DNAI7: variants seen among roughly 807,000 people sequenced by gnomAD.
DNAI7 encodes the protein dynein axonemal intermediate chain 7.
A neutral mutation model predicts 86.6 loss-of-function variants in DNAI7; 78 were observed. That is an observed-to-expected ratio of 0.90 (90% CI 0.75 to 1.09). The LOEUF is 1.09. Among genes scored for constraint, DNAI7 ranks in the 50% least tolerant of loss-of-function variants. The pLI is 0.00. For missense variants in DNAI7, 753 were observed against 810.2 expected (o/e 0.93, Z 0.86); for synonymous variants, 274 against 273.0 (o/e 1.00, Z -0.04).
At chr12:25,108,213 C>A, downstream of DNAI7, 1 of 800,018 alleles carries the variant, frequency 1.2e-6, no homozygotes, top group South Asian at 2.0e-5. Flanking sequence ...TTGCCTTTAT[C>A]TCCCCAACTA....
intron 2 of DNAI7, among the ~76,000 whole-genome samples, chr12:25,190,392 T>G (rs1358678343): frequency 3.3e-5 from 5 of 152,216 alleles, no homozygotes; most frequent in African/African-American, 1.2e-4. Context: ...AAGCTATTTT[T>G]AAGAGTATTT....
At chr12:25,143,405 C>A (rs1003342656) in intron 9 of DNAI7, among the ~76,000 whole-genome samples, 2 of 152,072 alleles carry the variant, frequency 1.3e-5, no homozygotes, top group East Asian at 1.9e-4. Context: ...TACACCACCA[C>A]GCCCGGCTAA....
At chr12:25,190,983 G>C (rs1030245388) in intron 1 of DNAI7, among the ~76,000 whole-genome samples, 1 of 152,126 alleles carries the variant, frequency 6.6e-6, no homozygotes. Context: ...CTAGTTTAAA[G>C]GGTTCAAAGG....
At chr12:25,118,039 T>C (rs1592213875) in intron 12 of DNAI7, among the ~76,000 whole-genome samples, 1 of 149,046 alleles carries the variant, frequency 6.7e-6, no homozygotes, top group East Asian at 2.0e-4. Context: ...GTTCAAGCAA[T>C]TCTCCTGCCT....
intron 9 of DNAI7, among the ~76,000 whole-genome samples, chr12:25,133,745 G>A (rs1440885135): frequency 6.6e-6 from 1 of 152,174 alleles, no homozygotes; most frequent in East Asian, 1.9e-4. Flanking sequence ...GTGGTGGTGA[G>A]ATATGTTCCT....
chr12:25,119,163 C>T lies in DNAI7; in HGVS notation c.1378G>A (p.Val460Ile). ...GCTGTACCTTCAGCATCCCACCTTA[C>T]AACCACAGGATCCTCAAAAAAGATT... is the stretch of plus-strand genomic sequence containing the variant. ...NVIFFEDPVV[V>I]RWDAEGKHWR... is the part of the protein sequence containing the mutation. The change falls in exon 12 of 16, where the codon GTA becomes ATA. Residue 460 changes from valine (V) to isoleucine (I), a missense_variant. Coordinates refer to ENST00000395987, the MANE Select transcript of DNAI7 (RefSeq NM_018272.5). 6.2e-7 allele frequency: 1 copy of T among 1,604,930 alleles called. No individual in the cohort carries two copies. The highest frequency in any genetic ancestry group is 8.5e-7 in the Non-Finnish European group (1 of 1,177,584).
chr12:25,136,005 G>T (rs1016223851), intron 9 of DNAI7, among the ~76,000 whole-genome samples: 4 of 152,098 alleles, frequency 2.6e-5, no homozygotes, highest in Admixed American at 6.5e-5. Flanking sequence ...ACTTATCCAG[G>T]TTACCTTAGG....
chr12:25,143,487 G>A (rs983587159), intron 9 of DNAI7, among the ~76,000 whole-genome samples: 1 of 151,308 alleles, frequency 6.6e-6, no homozygotes, highest in Non-Finnish European at 1.5e-5. Flanking sequence ...TGACCTCAAA[G>A]TGCTGGGATT....
At position 25,121,931 on chromosome 12, in the gene DNAI7, AAC is replaced by A. The variant is rs1941362962; in HGVS notation, c.1079-20_1079-19del. Reference sequence around the variant, plus strand: ...CAACTGTGCTAAAATTAATCAGATTAACAGTTTTCAAATAGATTACAGTTTAG... The same window carrying A: ...CAACTGTGCTAAAATTAATCAGATTAAGTTTTCAAATAGATTACAGTTTAG... On this transcript the variant is annotated intron_variant, in intron 10 of 15. Transcript: ENST00000395987. 1 of 1,524,212 alleles carries A rather than the reference AAC, an allele frequency of 6.6e-7. No individual in the cohort carries two copies. The highest frequency in any genetic ancestry group is 8.8e-7 in the Non-Finnish European group (1 of 1,134,052). The allele number at this position is 1,524,212 out of a possible 1,614,324, so 94.4% of individuals were successfully genotyped here.
chr12:25,154,416 G>A lies in DNAI7; in HGVS notation c.341C>T (p.Ser114Leu). 1.2e-6 allele frequency: 2 copies of A among 1,611,024 alleles called. No homozygotes were observed. The highest frequency in any genetic ancestry group is 1.7e-6 in the Non-Finnish European group (2 of 1,179,184). The change falls in exon 6 of 16, where the codon TCA becomes TTA. Residue 114 changes from serine (S) to leucine (L), a missense_variant. Ser to Leu is a moderately radical substitution (Grantham distance 145). Coordinates refer to ENST00000395987, the MANE Select transcript of DNAI7 (RefSeq NM_018272.5). ...AAACGTGTTCATTTCTTGGGCTACT[G>A]AAGGATCAGGACTCCCATCACATTG... ...YIQCDGSPDP[S>L]VAQEMNTFIS... is the part of the protein sequence containing the mutation.
chr12:25,170,095 A>C (rs1291982831), intron 2 of DNAI7, among the ~76,000 whole-genome samples: 1 of 152,108 alleles, frequency 6.6e-6, no homozygotes, highest in African/African-American at 2.4e-5. Context: ...TATAATGGTT[A>C]AAGGCCTTGT....
At chr12:25,144,872 T>C (rs1256259208) in intron 8 of DNAI7, among the ~76,000 whole-genome samples, 195 bp from the exon 9 acceptor site, 2 of 152,150 alleles carry the variant, frequency 1.3e-5, no homozygotes, top group Non-Finnish European at 2.9e-5. Flanking sequence ...TTGGGATCCA[T>C]AACCCCACAG....
intron 13 of DNAI7, among the ~76,000 whole-genome samples, chr12:25,114,073 G>A (rs924965228): frequency 3.3e-5 from 5 of 151,026 alleles, no homozygotes; most frequent in African/African-American, 1.2e-4. Context: ...AGCCTCCTGA[G>A]TAGCTGGGAT....
At chr12:25,150,402 A>T (rs900273624) in intron 6 of DNAI7, among the ~76,000 whole-genome samples, 1 of 152,044 alleles carries the variant, frequency 6.6e-6, no homozygotes, top group African/African-American at 2.4e-5. Context: ...CAGGAGATCA[A>T]GACTATCCTG....
intron 9 of DNAI7, among the ~76,000 whole-genome samples, chr12:25,127,033 C>A (rs1186052715): frequency 1.3e-5 from 2 of 152,156 alleles, no homozygotes; most frequent in African/African-American, 4.8e-5. Context: ...GATATTCTTG[C>A]ATATAACACA....
chr12:25,187,717 T>C (rs1287286830), intron 2 of DNAI7, among the ~76,000 whole-genome samples: 2 of 152,162 alleles, frequency 1.3e-5, no homozygotes, highest in South Asian at 2.1e-4. Context: ...GTAATTTCAA[T>C]ACGCCAAAAC....
At chr12:25,158,163 A>G (rs894100192) in intron 4 of DNAI7, among the ~76,000 whole-genome samples, 1 of 151,992 alleles carries the variant, frequency 6.6e-6, no homozygotes, top group African/African-American at 2.4e-5. Flanking sequence ...CAGGAGGCGG[A>G]GCTTGCAGTG....
chr12:25,119,350 G>A, intron 11 of DNAI7, 49 bp from the exon 12 acceptor site: 1 of 1,285,648 alleles, frequency 7.8e-7, no homozygotes, highest in South Asian at 1.3e-5. Context: ...TGGTAGCAGT[G>A]AAAAATGTAA....
chr12:25,174,738 A>AAT (rs1373174166), intron 2 of DNAI7, among the ~76,000 whole-genome samples: 6 of 142,296 alleles, frequency 4.2e-5, no homozygotes, highest in Non-Finnish European at 6.1e-5. Context: ...ATATATATGG[A>AAT]ATATATATAT....
Sources: gnomAD v4.1 joint callset for allele counts (sites outside exome capture counted in the v4.1 genomes callset) on GRCh38, gnomAD v4.1.1 for gene constraint, MANE v1.5 for transcripts, NCBI Gene and HGNC (gene_info 2026-07-23, HGNC 2026-07-21) for gene names.